The following PFDN2 variants were observed in gnomAD, a reference collection of about 807,000 sequenced individuals.
PFDN2 encodes prefoldin 2.
In PFDN2, 7 loss-of-function variants were observed where a neutral mutation model predicts 18.3. The ratio of observed to expected loss-of-function variants is 0.38; its 90% CI spans 0.22 to 0.72. The LOEUF (loss-of-function observed/expected upper bound fraction) is 0.72, where lower values mean the gene tolerates loss of function less well. Among genes scored for constraint, PFDN2 ranks in the 30% least tolerant of loss-of-function variants. The pLI is 0.47. For synonymous variants in PFDN2, 76 were observed against 75.0 expected (o/e 1.01, Z -0.07); for missense variants, 181 against 199.1 (o/e 0.91, Z 0.55).
At position 161,108,165 on chromosome 1, in the gene PFDN2, A is replaced by C. The variant is rs561575055; in HGVS notation, c.76-5790T>G. The stretch of plus-strand genomic sequence containing the variant: ...AAAATAAAAATTAAAAAAAAAAAAA[A>C]AACAAGGCTGGGTGTGGTGGCTCAC... On this transcript the variant is annotated intron_variant, in intron 1 of 3. Transcript: ENST00000368010. 2.6e-3 allele frequency among the ~76,000 whole-genome samples: 395 copies of C among 150,482 alleles called. 1 individual carries two copies. The highest frequency in any genetic ancestry group is 0.024 in the Middle Eastern group (7 of 288).
chr1:161,115,693 A>C (rs1184866146), intron 1 of PFDN2, among the ~76,000 whole-genome samples: 2 of 152,230 alleles, frequency 1.3e-5, no homozygotes, highest in Non-Finnish European at 2.9e-5. Context: ...ATTTTGAAAA[A>C]GAGAGACCAC....
chr1:161,100,790 C>G lies in PFDN2; in HGVS notation c.358G>C (p.Glu120Gln). Residue 120 changes from glutamate (E) to glutamine (Q), a missense_variant, in exon 4 of 4, where the codon GAA becomes CAA. Physicochemically the swap from Glu to Gln is conservative, Grantham distance 29. Coordinates refer to ENST00000368010, the MANE Select transcript of PFDN2 (RefSeq NM_012394.4). ...AKGKELNEFREKHNIRLMGED... is the reference protein window; with the variant it reads ...AKGKELNEFRQKHNIRLMGED... ...CCCATGAGACGAATGTTGTGCTTTTCCCGGAATTCATTTAGTTCTTTTCCC... is the reference window on the plus strand; with the variant it reads ...CCCATGAGACGAATGTTGTGCTTTTGCCGGAATTCATTTAGTTCTTTTCCC... 1 of 1,614,032 alleles carries G rather than the reference C, an allele frequency of 6.2e-7. No individual in the cohort carries two copies. The highest frequency in any genetic ancestry group is 8.5e-7 in the Non-Finnish European group (1 of 1,179,890).
intron 1 of PFDN2, among the ~76,000 whole-genome samples, chr1:161,102,996 A>C (rs556868640): frequency 2.7e-5 from 4 of 150,530 alleles, no homozygotes; most frequent in Admixed American, 1.3e-4. Context: ...GAGCTACTGG[A>C]GTACCTACAG....
At chr1:161,100,885 A>G in intron 3 of PFDN2, 26 bp from the exon 4 acceptor site, 1 of 1,585,178 alleles carries the variant, frequency 6.3e-7, no homozygotes. Context: ...CAGGGATTAT[A>G]TAAGGAATTC....
chr1:161,106,973 T>A (rs1654689834), intron 1 of PFDN2, among the ~76,000 whole-genome samples: 1 of 151,352 alleles, frequency 6.6e-6, no homozygotes, highest in Non-Finnish European at 1.5e-5. Context: ...TATGCCCGGC[T>A]AATTTCTGTA....
intron 1 of PFDN2, among the ~76,000 whole-genome samples, chr1:161,110,151 G>A (rs1162069942): frequency 6.6e-6 from 1 of 151,928 alleles, no homozygotes; most frequent in Admixed American, 6.6e-5. Context: ...CTTGAGCTCA[G>A]GAGTTCGAGA....
intron 1 of PFDN2, among the ~76,000 whole-genome samples, chr1:161,111,184 G>A (rs997377475): frequency 3.3e-5 from 5 of 151,070 alleles, no homozygotes; most frequent in Non-Finnish European, 7.4e-5. Flanking sequence ...TTTCAAACTC[G>A]TGGCTTCAAG....
intron 1 of PFDN2, among the ~76,000 whole-genome samples, chr1:161,109,826 G>C (rs543453770): frequency 6.6e-6 from 1 of 152,134 alleles, no homozygotes; most frequent in South Asian, 2.1e-4. Context: ...AAACCCTGCA[G>C]ATCACTTGAG....
rs780117979 is a variant in PFDN2, at chr1:161,102,407, G to T, written c.76-32C>A. ...AGGTGAGAGAAGAGATGAAAGAGGG[G>T]ATAGTGGAAATGGCAGAGGGTCCAG... On this transcript the variant is annotated intron_variant, in intron 1 of 3. Coordinates refer to ENST00000368010, the MANE Select transcript of PFDN2 (RefSeq NM_012394.4). 6.4e-6 allele frequency: 10 copies of T among 1,563,382 alleles called. 1 individual carries two copies. In the Middle Eastern group the frequency reaches 6.7e-4, roughly 105 times the overall value.
intron 3 of PFDN2, among the ~76,000 whole-genome samples, chr1:161,101,215 T>G (rs566147940): frequency 7.9e-5 from 12 of 152,228 alleles, no homozygotes; most frequent in African/African-American, 2.6e-4. Flanking sequence ...ATATTTTTTT[T>G]TTGAGTTGCA....
chr1:161,108,400 G>A (rs1417864258), intron 1 of PFDN2, among the ~76,000 whole-genome samples: 40 of 150,900 alleles, frequency 2.7e-4, no homozygotes, highest in Non-Finnish European at 1.5e-4. Flanking sequence ...AGAGGTTGCG[G>A]TGAGCCAAGA....
At position 161,108,190 on chromosome 1, in the gene PFDN2, C is replaced by T. The variant is rs578206648; in HGVS notation, c.76-5815G>A. On this transcript the variant is annotated intron_variant, in intron 1 of 3. Transcript: ENST00000368010. ...AAACAAGGCTGGGTGTGGTGGCTCA[C>T]CCCTATAATCCCACCACTTTGGGAG... Among the ~76,000 whole-genome samples, 4 of 147,942 alleles carry T rather than the reference C, an allele frequency of 2.7e-5. No homozygotes were observed. The East Asian group carries it at 7.9e-4, about 29-fold the overall frequency.
chr1:161,108,401 T>C (rs1571185862), intron 1 of PFDN2, among the ~76,000 whole-genome samples: 1 of 148,804 alleles, frequency 6.7e-6, no homozygotes, highest in African/African-American at 2.5e-5. Context: ...GAGGTTGCGG[T>C]GAGCCAAGAT....
At chr1:161,109,119 T>C (rs4656984) in intron 1 of PFDN2, among the ~76,000 whole-genome samples, 108,996 of 152,144 alleles carry the variant, frequency 0.72, 40,576 homozygotes, top group African/African-American at 0.92. Flanking sequence ...CCCAATCAGT[T>C]GTTCCCTCCA....
chr1:161,112,833 T>C (rs181076913), intron 1 of PFDN2, among the ~76,000 whole-genome samples: 52 of 151,988 alleles, frequency 3.4e-4, no homozygotes, highest in African/African-American at 1.1e-3. Context: ...CAACATATAC[T>C]ATTAGGCTTA....
At chr1:161,109,884 T>C (rs1413419402) in intron 1 of PFDN2, among the ~76,000 whole-genome samples, 1 of 151,952 alleles carries the variant, frequency 6.6e-6, no homozygotes, top group Non-Finnish European at 1.5e-5. Context: ...ACCCCATCCC[T>C]AATAAAAATA....
intron 1 of PFDN2, among the ~76,000 whole-genome samples, chr1:161,114,209 C>T (rs1654862488): frequency 6.6e-6 from 1 of 152,330 alleles, no homozygotes; most frequent in South Asian, 2.1e-4. Context: ...GAATGTTTAA[C>T]CTGGGTGTCC....
At chr1:161,111,590 A>C (rs1488714504) in intron 1 of PFDN2, among the ~76,000 whole-genome samples, 1 of 152,204 alleles carries the variant, frequency 6.6e-6, no homozygotes, top group East Asian at 1.9e-4. Context: ...GCCAGTTGAG[A>C]ATCACTGCTA....
intron 1 of PFDN2, among the ~76,000 whole-genome samples, chr1:161,105,498 C>T (rs1654660093): frequency 6.6e-6 from 1 of 151,618 alleles, no homozygotes; most frequent in South Asian, 2.1e-4. Context: ...TGCTCTGTCG[C>T]CCAGGCTGGA....
Sources: gnomAD v4.1 joint callset for allele counts (sites outside exome capture counted in the v4.1 genomes callset) on GRCh38, gnomAD v4.1.1 for gene constraint, MANE v1.5 for transcripts, NCBI Gene and HGNC (gene_info 2026-07-23, HGNC 2026-07-21) for gene names.